Variants in NRG4 observed in about 807,000 individuals in gnomAD.
NRG4 encodes pro-neuregulin-4, membrane-bound isoform.
NRG4 carries 10 observed loss-of-function variants against 15.0 expected under a neutral mutation model. The observed-to-expected ratio is 0.67, with a 90% CI of 0.41 to 1.13. The LOEUF (loss-of-function observed/expected upper bound fraction) is 1.13, where lower values mean the gene tolerates loss of function less well. Among genes scored for constraint, NRG4 ranks in the 50% most tolerant of loss-of-function variants. The pLI is 0.00. For missense variants in NRG4, 139 were observed against 140.2 expected (o/e 0.99, Z 0.04); for synonymous variants, 41 against 50.1 (o/e 0.82, Z 0.77).
chr15:76,002,015 G>A (rs757895688), intron 3 of NRG4, among the ~76,000 whole-genome samples: 1 of 152,124 alleles, frequency 6.6e-6, no homozygotes, highest in Non-Finnish European at 1.5e-5. Context: ...CAAAAGCTGG[G>A]TTGGGCCAGA....
chr15:76,008,625 A>T (rs2034694322), intron 3 of NRG4, among the ~76,000 whole-genome samples: 1 of 152,164 alleles, frequency 6.6e-6, no homozygotes, highest in Non-Finnish European at 1.5e-5. Context: ...TACTATTTTG[A>T]AGTTTTTTAT....
At chr15:75,976,374 C>A (rs984563224) in intron 3 of NRG4, among the ~76,000 whole-genome samples, 1 of 152,158 alleles carries the variant, frequency 6.6e-6, no homozygotes, top group Non-Finnish European at 1.5e-5. Context: ...AGTTTTGTTC[C>A]CTTGCTGGCA....
intron 3 of NRG4, among the ~76,000 whole-genome samples, chr15:75,978,355 C>A (rs1224612424): frequency 6.6e-6 from 1 of 152,152 alleles, no homozygotes; most frequent in African/African-American, 2.4e-5. Flanking sequence ...CGGCTCCATT[C>A]ATGTTGCTGC....
chr15:75,969,043 C>T, intron 3 of NRG4: 1 of 311,058 alleles, frequency 3.2e-6, no homozygotes, highest in Non-Finnish European at 6.5e-6. Context: ...AAACCAGGAA[C>T]AGCTGGAAAG....
At chr15:75,974,491 A>G (rs1046454424) in intron 3 of NRG4, among the ~76,000 whole-genome samples, 1 of 152,086 alleles carries the variant, frequency 6.6e-6, no homozygotes, top group Non-Finnish European at 1.5e-5. Flanking sequence ...TCCTGTGTGC[A>G]TTTAGCGCTA....
intron 3 of NRG4, among the ~76,000 whole-genome samples, chr15:75,993,692 ACTCT>A (rs982971443): frequency 6.7e-6 from 1 of 149,066 alleles, no homozygotes; most frequent in African/African-American, 2.5e-5. Flanking sequence ...AGTGAGACTC[ACTCT>A]CAAAAAAAAA....
At chr15:76,017,274 G>T (rs1395019197), upstream of NRG4, among the ~76,000 whole-genome samples, 7 of 148,206 alleles carry the variant, frequency 4.7e-5, no homozygotes, top group Non-Finnish European at 1.0e-4. Context: ...GCACGCCAAT[G>T]GGTCTTGAAT....
At chr15:75,991,094 G>C (rs2033998666) in intron 3 of NRG4, among the ~76,000 whole-genome samples, 1 of 151,980 alleles carries the variant, frequency 6.6e-6, no homozygotes, top group Non-Finnish European at 1.5e-5. Context: ...AGTTATTTCT[G>C]CTATAATTTT....
intron 5 of NRG4, among the ~76,000 whole-genome samples, chr15:76,028,157 T>A (rs2035365154): frequency 6.8e-6 from 1 of 148,024 alleles, no homozygotes; most frequent in South Asian, 2.1e-4. Flanking sequence ...GTAGAAGAAA[T>A]AAAGATCAGA....
intron 3 of NRG4, among the ~76,000 whole-genome samples, chr15:75,973,038 T>G (rs1398039754): frequency 6.6e-6 from 1 of 152,224 alleles, no homozygotes; most frequent in Non-Finnish European, 1.5e-5. Context: ...GTGTCCTCTC[T>G]TATTTCCTTG....
At chr15:76,048,170 AG>A (rs1040791311) in intron 4 of NRG4, among the ~76,000 whole-genome samples, 3 of 148,748 alleles carry the variant, frequency 2.0e-5, no homozygotes, top group Admixed American at 1.3e-4. Context: ...AAAAAAAAAA[AG>A]TTTCAAAAGC....
intron 5 of NRG4, among the ~76,000 whole-genome samples, chr15:76,025,679 C>T (rs1347007606): frequency 2.0e-5 from 3 of 151,972 alleles, no homozygotes; most frequent in Non-Finnish European, 4.4e-5. Flanking sequence ...AGTTCAAGAC[C>T]AGCCTGGCCA....
At chr15:75,979,056 G>A (rs182567611) in intron 3 of NRG4, among the ~76,000 whole-genome samples, 1 of 151,904 alleles carries the variant, frequency 6.6e-6, no homozygotes, top group African/African-American at 2.4e-5. Flanking sequence ...CAAACATTTT[G>A]TCCAATTCTG....
At chr15:76,057,381 G>A (rs2036178406) in intron 1 of NRG4, 1 of 152,140 alleles carries the variant, frequency 6.6e-6, no homozygotes, top group South Asian at 2.1e-4. Flanking sequence ...AGCCAGTTAA[G>A]TTCAAGAATA....
intron 4 of NRG4, among the ~76,000 whole-genome samples, chr15:76,049,323 C>T (rs2035943822): frequency 6.6e-6 from 1 of 150,870 alleles, no homozygotes; most frequent in Non-Finnish European, 1.5e-5. Flanking sequence ...AATTTTTCCT[C>T]AACTTGTGTC....
rs987162064 is a variant in NRG4 at position 76,052,758 on chromosome 15, C to T, written c.-216+180G>A. Among the ~76,000 whole-genome samples the T allele has an allele frequency of 4.6e-5, 7 of 150,952 alleles. 1 individual carries two copies. The highest frequency in any genetic ancestry group is 7.4e-5 in the Non-Finnish European group (5 of 67,882). ...AAGATCAAGGCAATAGCTCAGGTTA[C>T]CTTAATTATATCAAAGTGGCATATA... On this transcript the variant is annotated intron_variant, in intron 3 of 8. Transcript: ENST00000563910.
At chr15:75,972,179 G>A (rs923558091) in intron 3 of NRG4, among the ~76,000 whole-genome samples, 1 of 152,114 alleles carries the variant, frequency 6.6e-6, no homozygotes, top group African/African-American at 2.4e-5. Flanking sequence ...TTTGATAAAT[G>A]TCTGTTCATA....
chr15:75,981,331 C>T (rs1372846019), intron 3 of NRG4, among the ~76,000 whole-genome samples: 1 of 152,174 alleles, frequency 6.6e-6, no homozygotes, highest in Admixed American at 6.5e-5. Flanking sequence ...CTGAACACAG[C>T]TCCTGAGTAA....
At chr15:76,018,231 C>G (rs1443451615) in intron 5 of NRG4, among the ~76,000 whole-genome samples, 3 of 152,066 alleles carry the variant, frequency 2.0e-5, no homozygotes, top group African/African-American at 4.8e-5. Flanking sequence ...TTCCTCTAAC[C>G]TTTTTTCATG....
Sources: allele counts gnomAD v4.1 joint callset (sites outside exome capture counted in the v4.1 genomes callset), GRCh38; gene constraint gnomAD v4.1.1; transcripts MANE v1.5; gene names NCBI Gene and HGNC (gene_info 2026-07-23, HGNC 2026-07-21).